The following SLC24A3 variants were observed in gnomAD, a reference collection of about 807,000 sequenced individuals.
The protein encoded by SLC24A3 is sodium/potassium/calcium exchanger 3.
Under a neutral mutation model 75.8 loss-of-function variants are expected in SLC24A3, and 28 were observed. The observed-to-expected ratio is 0.37, with a 90% CI of 0.27 to 0.51. SLC24A3 has a LOEUF of 0.51. SLC24A3 is among the 20% of genes least tolerant of loss of function. SLC24A3 has a pLI of 0.94. For synonymous variants in SLC24A3, 372 were observed against 334.1 expected, an observed-to-expected ratio of 1.11 and a Z score of -1.24; for missense variants, 663 against 847.8, an observed-to-expected ratio of 0.78 and a Z score of 2.71.
At chr20:19,425,835 TC>T (rs2122444049) in intron 2 of SLC24A3, among the ~76,000 whole-genome samples, 1 of 152,296 alleles carries the variant, frequency 6.6e-6, no homozygotes, top group South Asian at 2.1e-4. Context: ...ATGTTGGTGC[TC>T]AAATTGTCCC....
chr20:19,409,295 G>A (rs1986703891), intron 2 of SLC24A3, among the ~76,000 whole-genome samples: 1 of 152,170 alleles, frequency 6.6e-6, no homozygotes, highest in African/African-American at 2.4e-5. Flanking sequence ...ATGGGCGAGG[G>A]GAGGTGGAAA....
Position 19,721,318 on chromosome 20 carries a change from C to T in SLC24A3, c.*178C>T, listed in dbSNP as rs967035715. Reference sequence around the variant, plus strand: ...CCCCTGACCCATCCTCGCTCCCCCACCTCCTTGGGTCATGCCCACCCACCC... The same window carrying T: ...CCCCTGACCCATCCTCGCTCCCCCATCTCCTTGGGTCATGCCCACCCACCC... On this transcript the variant is annotated 3_prime_UTR_variant, in exon 17 of 17. Coordinates refer to ENST00000328041, the MANE Select transcript of SLC24A3 (RefSeq NM_020689.4). The T allele has an allele frequency of 1.5e-6, 1 of 685,608 alleles. No individual in the cohort carries two copies. The highest frequency in any genetic ancestry group is 2.4e-6 in the Non-Finnish European group (1 of 424,470). 42.5% of individuals were successfully genotyped at this position (685,608 alleles called of 1,614,324 possible).
At chr20:19,334,492 A>G (rs1985080871) in intron 2 of SLC24A3, among the ~76,000 whole-genome samples, 1 of 152,314 alleles carries the variant, frequency 6.6e-6, no homozygotes, top group Non-Finnish European at 1.5e-5. Flanking sequence ...GCTCTCATAT[A>G]TTGATTCCAT....
intron 3 of SLC24A3, among the ~76,000 whole-genome samples, chr20:19,555,187 G>A (rs1293667177): frequency 6.6e-6 from 1 of 152,112 alleles, no homozygotes; most frequent in African/African-American, 2.4e-5. Flanking sequence ...TGAGCTAAGA[G>A]ACTCACAAAG....
At chr20:19,230,204 C>T (rs565698123) in intron 1 of SLC24A3, among the ~76,000 whole-genome samples, 1 of 152,246 alleles carries the variant, frequency 6.6e-6, no homozygotes, top group South Asian at 2.1e-4. Flanking sequence ...CTTCAGCGCC[C>T]TCACCACTCT....
chr20:19,337,821 T>C (rs1003502106), intron 2 of SLC24A3, among the ~76,000 whole-genome samples: 1 of 152,164 alleles, frequency 6.6e-6, no homozygotes, highest in South Asian at 2.1e-4. Flanking sequence ...TGGGGCTGGC[T>C]CGATTAGGAT....
intron 2 of SLC24A3, among the ~76,000 whole-genome samples, chr20:19,445,905 A>G (rs1987374930): frequency 6.6e-6 from 1 of 152,196 alleles, no homozygotes; most frequent in Non-Finnish European, 1.5e-5. Flanking sequence ...TAGGTATATT[A>G]AAAGAATAAA....
At chr20:19,677,104 T>G (rs188725538) in intron 9 of SLC24A3, among the ~76,000 whole-genome samples, 3 of 152,220 alleles carry the variant, frequency 2.0e-5, no homozygotes, top group African/African-American at 4.8e-5. Context: ...TATAGTATTA[T>G]TATCCTGTTC....
intron 2 of SLC24A3, among the ~76,000 whole-genome samples, chr20:19,404,532 G>GT (rs1568609474): frequency 6.6e-6 from 1 of 152,198 alleles, no homozygotes; most frequent in Non-Finnish European, 1.5e-5. Context: ...TTTTACCCCA[G>GT]TTTTTTGCCT....
chr20:19,418,049 A>G (rs1986856264), intron 2 of SLC24A3, among the ~76,000 whole-genome samples: 1 of 152,200 alleles, frequency 6.6e-6, no homozygotes, highest in South Asian at 2.1e-4. Context: ...TGAAACCCTG[A>G]AGGAAATAGT....
At chr20:19,254,346 G>A (rs912064999) in intron 1 of SLC24A3, among the ~76,000 whole-genome samples, 2 of 152,150 alleles carry the variant, frequency 1.3e-5, no homozygotes, top group African/African-American at 4.8e-5. Flanking sequence ...GCTCATCTGT[G>A]GGGACGCGGC....
At chr20:19,432,343 G>A (rs1162913517) in intron 2 of SLC24A3, among the ~76,000 whole-genome samples, 1 of 149,716 alleles carries the variant, frequency 6.7e-6, no homozygotes, top group Non-Finnish European at 1.5e-5. Flanking sequence ...AATTTTCAGA[G>A]TCAAAATTTA....
At chr20:19,322,017 A>T (rs1984719054) in intron 2 of SLC24A3, among the ~76,000 whole-genome samples, 1 of 152,154 alleles carries the variant, frequency 6.6e-6, no homozygotes, top group African/African-American at 2.4e-5. Flanking sequence ...CAGGATGAAC[A>T]TCTTTGACAT....
At position 19,304,990 on chromosome 20, in the gene SLC24A3, TC is replaced by T. The variant is rs34587552; in HGVS notation, c.271+23905del. On this transcript the variant is annotated intron_variant, in intron 2 of 16. Coordinates refer to ENST00000328041, the MANE Select transcript of SLC24A3 (RefSeq NM_020689.4). ...ACAGTTGTGTTCTAAATTTAACTTTTCCTGTTGGCTGCTTGGACTTTTTGCT... is the reference window on the plus strand; with the variant it reads ...ACAGTTGTGTTCTAAATTTAACTTTTCTGTTGGCTGCTTGGACTTTTTGCT... Among the ~76,000 whole-genome samples, 126 of 152,326 alleles carry T rather than the reference TC, an allele frequency of 8.3e-4. No individual in the cohort carries two copies. In the Middle Eastern group the frequency reaches 0.014, roughly 16 times the overall value.
intron 2 of SLC24A3, among the ~76,000 whole-genome samples, chr20:19,304,152 A>T (rs1439587215): frequency 6.6e-6 from 1 of 152,202 alleles, no homozygotes; most frequent in African/African-American, 2.4e-5. Context: ...TATCTTCCCT[A>T]GCTTCTCTTT....
Position 19,354,253 on chromosome 20 carries a change from G to GA in SLC24A3, c.271+73173dup, listed in dbSNP as rs1200354338. Among the ~76,000 whole-genome samples the GA allele has an allele frequency of 2.6e-5, 4 of 152,060 alleles. No individual in the cohort carries two copies. In the East Asian group the frequency reaches 5.8e-4, roughly 22 times the overall value. ...ATTAGAAATAAGTAATTTGAAAACA[G>GA]AAAAAAATAATTTAAAAACATGCCA... On this transcript the variant is annotated intron_variant, in intron 2 of 16. Coordinates refer to ENST00000328041, the MANE Select transcript of SLC24A3 (RefSeq NM_020689.4).
chr20:19,653,852 CA>C, intron 6 of SLC24A3, among the ~76,000 whole-genome samples: 1 of 152,204 alleles, frequency 6.6e-6, no homozygotes, highest in Non-Finnish European at 1.5e-5. Context: ...TTCCCGCTAA[CA>C]AAATTGTTGC....
At chr20:19,368,094 G>T (rs1985928202) in intron 2 of SLC24A3, among the ~76,000 whole-genome samples, 1 of 152,022 alleles carries the variant, frequency 6.6e-6, no homozygotes, top group Non-Finnish European at 1.5e-5. Flanking sequence ...GGGTGTGTAT[G>T]AATGTGAGTG....
chr20:19,549,554 C>G (rs914740242), intron 3 of SLC24A3, among the ~76,000 whole-genome samples: 3 of 152,152 alleles, frequency 2.0e-5, no homozygotes, highest in African/African-American at 7.2e-5. Flanking sequence ...GAGGCCAAGG[C>G]GGGCGGATCA....
Sources: allele counts gnomAD v4.1 joint callset (sites outside exome capture counted in the v4.1 genomes callset), GRCh38; gene constraint gnomAD v4.1.1; transcripts MANE v1.5; gene names NCBI Gene and HGNC (gene_info 2026-07-23, HGNC 2026-07-21).